Variants in KCNH7 observed in about 807,000 individuals in gnomAD.
KCNH7 encodes potassium voltage-gated channel subfamily H member 7.
A neutral mutation model predicts 120.8 loss-of-function variants in KCNH7; 49 were observed. That is an observed-to-expected ratio of 0.41 (90% confidence interval 0.32 to 0.51). The LOEUF (loss-of-function observed/expected upper bound fraction) is 0.51, where lower values mean the gene tolerates loss of function less well. Ranked by LOEUF, KCNH7 falls within the 20% of genes least tolerant of loss-of-function variation. KCNH7 has a pLI of 0.38. For missense variants in KCNH7, 1,097 were observed against 1,446.6 expected, an observed-to-expected ratio of 0.76 and a Z score of 3.92; for synonymous variants, 547 against 516.1, an observed-to-expected ratio of 1.06 and a Z score of -0.81.
At chr2:162,711,468 G>A (rs928153616) in intron 2 of KCNH7, among the ~76,000 whole-genome samples, 1 of 152,202 alleles carries the variant, frequency 6.6e-6, no homozygotes, top group African/African-American at 2.4e-5. Flanking sequence ...TCTGCAACGT[G>A]CGTTGCTCAA....
chr2:162,594,874 C>A (rs979306290), intron 2 of KCNH7, among the ~76,000 whole-genome samples: 2 of 151,946 alleles, frequency 1.3e-5, no homozygotes, highest in African/African-American at 4.8e-5. Flanking sequence ...CAGAACCAAT[C>A]CCCCACAGAT....
At chr2:162,405,913 C>A (rs190046518) in intron 9 of KCNH7, among the ~76,000 whole-genome samples, 9 of 151,978 alleles carry the variant, frequency 5.9e-5, no homozygotes, top group African/African-American at 2.2e-4. Context: ...GAGCAATATC[C>A]TAATAAATGA....
At chr2:162,673,376 G>A (rs1685426960) in intron 2 of KCNH7, among the ~76,000 whole-genome samples, 1 of 151,960 alleles carries the variant, frequency 6.6e-6, no homozygotes, top group Non-Finnish European at 1.5e-5. Context: ...TCCCAGAAAT[G>A]TTATTTTGAC....
intron 6 of KCNH7, among the ~76,000 whole-genome samples, chr2:162,496,184 A>T (rs1481943964): frequency 6.6e-6 from 1 of 152,118 alleles, no homozygotes; most frequent in Admixed American, 6.6e-5. Context: ...GCAGTTTAGA[A>T]TGGTGATTGT....
intron 2 of KCNH7, among the ~76,000 whole-genome samples, chr2:162,617,485 C>T (rs1271739393): frequency 6.7e-6 from 1 of 150,194 alleles, no homozygotes; most frequent in African/African-American, 2.5e-5. Flanking sequence ...TCTCAAAAAA[C>T]AAAACAAAAA....
At chr2:162,655,321 T>C (rs980595674) in intron 2 of KCNH7, among the ~76,000 whole-genome samples, 2 of 152,198 alleles carry the variant, frequency 1.3e-5, no homozygotes, top group African/African-American at 2.4e-5. Context: ...CTTTTCAATG[T>C]AATAAATATT....
chr2:162,517,311 T>C (rs989668580), intron 4 of KCNH7, among the ~76,000 whole-genome samples: 2 of 151,790 alleles, frequency 1.3e-5, no homozygotes, highest in African/African-American at 4.8e-5. Context: ...CCTATGCTGC[T>C]CCCTTTGGAA....
intron 9 of KCNH7, among the ~76,000 whole-genome samples, chr2:162,411,840 C>T (rs908031615): frequency 6.6e-6 from 1 of 151,390 alleles, no homozygotes; most frequent in Non-Finnish European, 1.5e-5. Context: ...AAAAACACCC[C>T]AATAAGTAGT....
intron 2 of KCNH7, among the ~76,000 whole-genome samples, chr2:162,690,547 C>T (rs1349623859): frequency 6.6e-6 from 1 of 152,016 alleles, no homozygotes; most frequent in Non-Finnish European, 1.5e-5. Context: ...ATATAAACAT[C>T]TCAATATGCC....
intron 7 of KCNH7, among the ~76,000 whole-genome samples, chr2:162,442,692 C>CA (rs908854789): frequency 4.0e-5 from 6 of 151,736 alleles, no homozygotes; most frequent in African/African-American, 9.7e-5. Flanking sequence ...ACTCTCTCTG[C>CA]AAAAAAATAT....
chr2:162,825,326 A>T (rs917746030), intron 2 of KCNH7, among the ~76,000 whole-genome samples: 1 of 152,006 alleles, frequency 6.6e-6, no homozygotes, highest in Non-Finnish European at 1.5e-5. Flanking sequence ...TATTTTCTAC[A>T]TGTGTTTTTC....
chr2:162,832,367 T>C (rs1051448743), intron 2 of KCNH7, among the ~76,000 whole-genome samples: 5 of 152,142 alleles, frequency 3.3e-5, no homozygotes, highest in African/African-American at 1.2e-4. Flanking sequence ...GAAATTTCTG[T>C]TTGTACTAAT....
chr2:162,384,563 C>CGAACATTTCATGAAGTTGA (rs1686519081), intron 13 of KCNH7, 125 bp downstream of exon 13: 1 of 976,012 alleles, frequency 1.0e-6, no homozygotes, highest in Non-Finnish European at 1.5e-6. Flanking sequence ...GAACGCTTCG[C>CGAACATTTCATGAAGTTGA]GAACATTTCA....
At chr2:162,811,804 A>T (rs1035090461) in intron 2 of KCNH7, among the ~76,000 whole-genome samples, 6 of 152,154 alleles carry the variant, frequency 3.9e-5, no homozygotes, top group African/African-American at 1.4e-4. Flanking sequence ...TTGAACTAGA[A>T]AAATATGACT....
chr2:162,417,783 A>ATC (rs1468075367), intron 9 of KCNH7, among the ~76,000 whole-genome samples: 1 of 152,188 alleles, frequency 6.6e-6, no homozygotes, highest in Non-Finnish European at 1.5e-5. Context: ...AGTGACCATC[A>ATC]TCACTTGTGC....
chr2:162,779,437 G>A (rs560421629), intron 2 of KCNH7, among the ~76,000 whole-genome samples: 3 of 152,174 alleles, frequency 2.0e-5, no homozygotes, highest in African/African-American at 7.2e-5. Context: ...TTGACCTCAT[G>A]ATCCACCTGC....
chr2:162,575,282 T>C (rs1162809197), intron 2 of KCNH7, among the ~76,000 whole-genome samples: 1 of 152,096 alleles, frequency 6.6e-6, no homozygotes, highest in African/African-American at 2.4e-5. Context: ...CCTTCTGCCT[T>C]ATTCCTCAAT....
chr2:162,553,333 T>A (rs1276612565), intron 2 of KCNH7, among the ~76,000 whole-genome samples: 1 of 152,158 alleles, frequency 6.6e-6, no homozygotes, highest in East Asian at 1.9e-4. Flanking sequence ...GGGGGCACTT[T>A]CATCATTCCC....
At chr2:162,803,931 T>C (rs1684438418) in intron 2 of KCNH7, among the ~76,000 whole-genome samples, 1 of 150,906 alleles carries the variant, frequency 6.6e-6, no homozygotes, top group Admixed American at 6.6e-5. Context: ...AAAAAAAAAA[T>C]CAAGAAATGT....
Sources: gnomAD v4.1 joint callset for allele counts (sites outside exome capture counted in the v4.1 genomes callset) on GRCh38, gnomAD v4.1.1 for gene constraint, MANE v1.5 for transcripts, NCBI Gene and HGNC (gene_info 2026-07-23, HGNC 2026-07-21) for gene names.